Variants in EHHADH observed in about 807,000 individuals in gnomAD.
EHHADH encodes enoyl-CoA hydratase and 3-hydroxyacyl CoA dehydrogenase, also known as peroxisomal bifunctional enzyme.
In EHHADH, 48 loss-of-function variants were observed where a neutral mutation model predicts 64.4. That is an observed-to-expected ratio of 0.75 (90% CI 0.59 to 0.95). The LOEUF (loss-of-function observed/expected upper bound fraction) is 0.95. EHHADH is among the 40% of genes least tolerant of loss of function. The probability of loss-of-function intolerance (pLI) is 0.00; values close to 1 mark genes in which losing one functional copy is unlikely to be tolerated. For missense variants in EHHADH, 854 were observed against 876.6 expected (o/e 0.97, Z 0.33); for synonymous variants, 308 against 326.7 (o/e 0.94, Z 0.62).
intron 4 of EHHADH, among the ~76,000 whole-genome samples, chr3:185,223,919 C>A (rs1369032061): frequency 1.3e-5 from 2 of 152,196 alleles, no homozygotes; most frequent in Non-Finnish European, 2.9e-5. Flanking sequence ...GCAATATGAT[C>A]AGGCATATCC....
chr3:185,247,514 T>C (rs999957094), intron 2 of EHHADH, among the ~76,000 whole-genome samples: 1 of 152,092 alleles, frequency 6.6e-6, no homozygotes, highest in African/African-American at 2.4e-5. Flanking sequence ...AACTGAGAAT[T>C]AACATATAAC....
At chr3:185,233,039 A>G (rs920311202) in intron 3 of EHHADH, among the ~76,000 whole-genome samples, 1 of 152,208 alleles carries the variant, frequency 6.6e-6, no homozygotes, top group Non-Finnish European at 1.5e-5. Context: ...AATAAAGAAC[A>G]CTGATAAAGA....
At chr3:185,207,964 C>T (rs758715060) in intron 5 of EHHADH, among the ~76,000 whole-genome samples, 3 of 152,174 alleles carry the variant, frequency 2.0e-5, no homozygotes, top group Non-Finnish European at 4.4e-5. Flanking sequence ...GGCTAATATG[C>T]ACACAAAAAG....
chr3:185,203,029 A>G (rs942807239), intron 6 of EHHADH, among the ~76,000 whole-genome samples: 4 of 152,002 alleles, frequency 2.6e-5, no homozygotes, highest in African/African-American at 9.7e-5. Flanking sequence ...AAAAGGATAT[A>G]AATATATTTA....
intron 4 of EHHADH, among the ~76,000 whole-genome samples, chr3:185,229,187 T>A (rs1247465681): frequency 1.3e-5 from 2 of 152,234 alleles, no homozygotes; most frequent in Non-Finnish European, 2.9e-5. Flanking sequence ...AATAAAATCC[T>A]AAATTTGATT....
At chr3:185,243,624 C>G (rs1021162298) in intron 2 of EHHADH, among the ~76,000 whole-genome samples, 1 of 152,070 alleles carries the variant, frequency 6.6e-6, no homozygotes, top group Non-Finnish European at 1.5e-5. Context: ...GTTTAGTTCC[C>G]ATGTATTTGT....
intron 1 of EHHADH, among the ~76,000 whole-genome samples, chr3:185,249,035 G>A (rs904811316): frequency 6.6e-6 from 1 of 152,196 alleles, no homozygotes; most frequent in Admixed American, 6.5e-5. Context: ...TAGGAGCTGT[G>A]GCGGGGGCTG....
Position 185,217,055 on chromosome 3 carries a change from G to A in EHHADH, c.568+1081C>T, listed in dbSNP as rs192071672. On this transcript the variant is annotated intron_variant, in intron 5 of 6. Coordinates refer to ENST00000231887, the MANE Select transcript of EHHADH (RefSeq NM_001966.4). ...TCTCAAGGCCCACAGTTTTACTGCGGTAAATTATAGAGCCTGTGATATGGT... is the reference window on the plus strand; with the variant it reads ...TCTCAAGGCCCACAGTTTTACTGCGATAAATTATAGAGCCTGTGATATGGT... Among the ~76,000 whole-genome samples the A allele has an allele frequency of 5.9e-5, 9 of 152,216 alleles. No homozygotes were observed. The East Asian group carries it at 1.7e-3, about 29-fold the overall frequency.
chr3:185,197,380 G>A (rs1220969868), intron 6 of EHHADH, among the ~76,000 whole-genome samples: 2 of 152,106 alleles, frequency 1.3e-5, no homozygotes, highest in African/African-American at 4.8e-5. Flanking sequence ...CATTCACAAG[G>A]TGTGCAACCA....
At chr3:185,234,463 T>C (rs556059817) in intron 3 of EHHADH, among the ~76,000 whole-genome samples, 21 of 152,274 alleles carry the variant, frequency 1.4e-4, no homozygotes, top group Admixed American at 7.8e-4. Flanking sequence ...GTACTGGAGG[T>C]AGAGTCTCGG....
intron 6 of EHHADH, among the ~76,000 whole-genome samples, chr3:185,202,647 G>T (rs1258781982): frequency 2.0e-5 from 3 of 152,166 alleles, no homozygotes; most frequent in Non-Finnish European, 4.4e-5. Flanking sequence ...ATCAGTGGTG[G>T]TATTAGACTC....
chr3:185,229,637 G>T, intron 3 of EHHADH, 94 bp from the exon 4 acceptor site: 1 of 706,580 alleles, frequency 1.4e-6, no homozygotes, highest in Non-Finnish European at 2.1e-6. Flanking sequence ...ATTCTCAAAA[G>T]CATGGTGTCA....
chr3:185,204,788 G>A (rs1172074535), intron 5 of EHHADH, 31 bp from the exon 6 acceptor site: 1 of 1,526,610 alleles, frequency 6.6e-7, no homozygotes, highest in Non-Finnish European at 8.9e-7. Context: ...CAGAGCTTTG[G>A]AAATGTTACT....
At chr3:185,202,413 G>A (rs750249951) in intron 6 of EHHADH, among the ~76,000 whole-genome samples, 4 of 151,824 alleles carry the variant, frequency 2.6e-5, no homozygotes, top group Non-Finnish European at 4.4e-5. Flanking sequence ...GGAGCACAAT[G>A]TATTTATATT....
rs779178730 is a variant in EHHADH at position 185,253,937 on chromosome 3, C to T, written c.74+12G>A. On this transcript the variant is annotated intron_variant, in intron 1 of 6. Coordinates refer to ENST00000231887, the MANE Select transcript of EHHADH (RefSeq NM_001966.4). ...GCACGGTCCCCGGGCTGGAGGCGACCGAGCCCGTTACCTGATCGCGTTGAC... is the reference window on the plus strand; with the variant it reads ...GCACGGTCCCCGGGCTGGAGGCGACTGAGCCCGTTACCTGATCGCGTTGAC... 2.5e-6 allele frequency: 4 copies of T among 1,614,010 alleles called. No individual in the cohort carries two copies. Among genetic ancestry groups the T allele is most frequent in the Non-Finnish European group, 3.4e-6 (4 of 1,179,946 alleles).
chr3:185,252,885 C>T (rs757796801), intron 1 of EHHADH, among the ~76,000 whole-genome samples: 1 of 152,086 alleles, frequency 6.6e-6, no homozygotes, highest in Admixed American at 6.5e-5. Context: ...TTCCACTAAT[C>T]TTATTCCCTG....
intron 2 of EHHADH, 103 bp downstream of exon 2, chr3:185,248,311 T>C (rs1719650614): frequency 2.3e-6 from 2 of 854,776 alleles, no homozygotes; most frequent in Admixed American, 1.7e-5. Flanking sequence ...GCCATATCCA[T>C]TACCTACACT....
intron 5 of EHHADH, among the ~76,000 whole-genome samples, chr3:185,213,748 T>C (rs544345424): frequency 1.6e-3 from 245 of 151,736 alleles, no homozygotes; most frequent in Non-Finnish European, 3.0e-3. Flanking sequence ...AGTGTGGTGA[T>C]GCATGCCTGT....
At chr3:185,196,295 TC>T (rs1314189580) in intron 6 of EHHADH, among the ~76,000 whole-genome samples, 6 of 152,238 alleles carry the variant, frequency 3.9e-5, no homozygotes, top group Non-Finnish European at 2.9e-5. Context: ...AATTTCATTT[TC>T]TCACGTTAAA....
Sources: allele counts gnomAD v4.1 joint callset (sites outside exome capture counted in the v4.1 genomes callset), GRCh38; gene constraint gnomAD v4.1.1; transcripts MANE v1.5; gene names NCBI Gene and HGNC (gene_info 2026-07-23, HGNC 2026-07-21).